The following CENPO variants were observed in gnomAD, a reference collection of about 807,000 sequenced individuals.
CENPO encodes the protein centromere protein O.
A neutral mutation model predicts 36.1 loss-of-function variants in CENPO; 30 were observed. The observed-to-expected ratio is 0.83, with a 90% CI of 0.62 to 1.13. The LOEUF is 1.13. Ranked by LOEUF, CENPO falls within the 50% of genes most tolerant of loss-of-function variation. The probability of loss-of-function intolerance (pLI) is 0.00; values close to 1 mark genes in which losing one functional copy is unlikely to be tolerated. For synonymous variants in CENPO, 171 were observed against 142.3 expected, an observed-to-expected ratio of 1.20 and a Z score of -1.44; for missense variants, 349 against 357.8, an observed-to-expected ratio of 0.98 and a Z score of 0.20.
chr2:24,814,911 A>C (rs1230968994), intron 4 of CENPO: 2 of 172,084 alleles, frequency 1.2e-5, no homozygotes, highest in Non-Finnish European at 2.5e-5. Flanking sequence ...AGAACTGGGG[A>C]CTCTGACAAA....
chr2:24,808,867 G>A (rs1462701922), intron 3 of CENPO, among the ~76,000 whole-genome samples: 1 of 151,638 alleles, frequency 6.6e-6, no homozygotes, highest in Non-Finnish European at 1.5e-5. Flanking sequence ...CTCTCAGAAA[G>A]CAGGTTGAGA....
intron 2 of CENPO, 87 bp from the exon 3 acceptor site, chr2:24,799,588 A>T (rs1666069265): frequency 3.1e-6 from 3 of 965,246 alleles, no homozygotes; most frequent in African/African-American, 1.7e-5. Flanking sequence ...AAAAAAAAAG[A>T]GTCACCTGTT....
At position 24,801,356 on chromosome 2, in the gene CENPO, C is replaced by G. The variant is rs1236459273; in HGVS notation, c.216+1512C>G. Among the ~76,000 whole-genome samples the G allele has an allele frequency of 1.2e-4, 19 of 152,210 alleles. No individual in the cohort carries two copies. The East Asian group carries it at 3.7e-3, about 29-fold the overall frequency. Reference sequence around the variant, plus strand: ...ATTAGATCCCGTTTGTCAATTTTGGCTTTTGTTGCCATTGCTTTTGGTGTT... The same window carrying G: ...ATTAGATCCCGTTTGTCAATTTTGGGTTTTGTTGCCATTGCTTTTGGTGTT... On this transcript the variant is annotated intron_variant, in intron 3 of 7. Coordinates refer to ENST00000380834, the MANE Select transcript of CENPO (RefSeq NM_001322101.2).
In CENPO at chr2:24,815,237, C is replaced by CAA. The variant is rs36071782; in HGVS notation, c.335-242_335-241dup. Among the ~76,000 whole-genome samples, 478 of 109,036 alleles carry CAA rather than the reference C, an allele frequency of 4.4e-3. 4 individuals are homozygous for CAA. The highest frequency in any genetic ancestry group is 0.012 in the East Asian group (43 of 3,670). The allele number at this position is 109,036 out of a possible 152,430, so 71.5% of individuals were successfully genotyped here. A position where few individuals can be genotyped will look rare whatever the true frequency, so the allele number is the denominator to read the frequency against. ...TGGGTGACAGAGTGAAACCCTATCT[C>CAA]AAAAAAAAAAAAAAAAAAATTTCTC... On this transcript the variant is annotated intron_variant, in intron 4 of 7. Coordinates refer to ENST00000380834, the MANE Select transcript of CENPO (RefSeq NM_001322101.2).
In CENPO at chr2:24,822,315, G is replaced by T; in HGVS notation, c.*2997G>T. ...CCTGAGCTGTGAACAGCAGGGGGTTGTGTGTCTGTTCTGTTTCTCTGCTTG... is the reference window on the plus strand; with the variant it reads ...CCTGAGCTGTGAACAGCAGGGGGTTTTGTGTCTGTTCTGTTTCTCTGCTTG... On this transcript the variant is annotated 3_prime_UTR_variant, in exon 8 of 8. Transcript: ENST00000380834. 1.4e-6 allele frequency: 1 copy of T among 704,590 alleles called. No homozygotes were observed. The highest frequency in any genetic ancestry group is 2.3e-6 in the Non-Finnish European group (1 of 438,284). The allele number at this position is 704,590 out of a possible 1,614,324, so 43.6% of individuals were successfully genotyped here.
chr2:24,799,655 TCTC>T lies in CENPO; in HGVS notation c.47-17_47-15del. 6.4e-7 allele frequency: 1 copy of T among 1,565,834 alleles called. No homozygotes were observed. Among genetic ancestry groups the T allele is most frequent in the Non-Finnish European group, 8.7e-7 (1 of 1,149,840 alleles). ...AGAAATCCTCAGCTTCTTGTAAAAT[TCTC>T]CTTTTACTCTCCTTAGGTGTTTTAG... On this transcript the variant is annotated splice_polypyrimidine_tract_variant and intron_variant, in intron 2 of 7. Coordinates refer to ENST00000380834, the MANE Select transcript of CENPO (RefSeq NM_001322101.2).
In CENPO at chr2:24,821,349, G is replaced by T; in HGVS notation, c.*2031G>T. ...GCTGGGTTTTTGGTTTAGTCATCTA[G>T]AGTCGTCTGGACTAAAGGTCTTTCA... On this transcript the variant is annotated 3_prime_UTR_variant, in exon 8 of 8. Transcript: ENST00000380834. 1.0e-6 allele frequency: 1 copy of T among 973,938 alleles called. No homozygotes were observed. The highest frequency in any genetic ancestry group is 1.5e-6 in the Non-Finnish European group (1 of 663,620). The allele number at this position is 973,938 out of a possible 1,614,324, so 60.3% of individuals were successfully genotyped here.
At chr2:24,809,145 C>T (rs191351800) in intron 3 of CENPO, among the ~76,000 whole-genome samples, 37 of 152,222 alleles carry the variant, frequency 2.4e-4, no homozygotes, top group African/African-American at 8.7e-4. Context: ...TTTAAAACAA[C>T]CTACTGTCTT....
chr2:24,811,654 G>A (rs1666697384), intron 3 of CENPO, among the ~76,000 whole-genome samples: 1 of 152,092 alleles, frequency 6.6e-6, no homozygotes, highest in African/African-American at 2.4e-5. Context: ...GTAGAGACGG[G>A]GTTTTACCAC....
rs1667521775 is a variant in CENPO, at chr2:24,820,787, G to C, written c.*1469G>C. ...TGGCTACATTGACTGTATTGCCCCA[G>C]ATGTCGTAGTGTGGTTTCCGGGCTC... On this transcript the variant is annotated 3_prime_UTR_variant, in exon 8 of 8. Transcript: ENST00000380834. 1 of 1,613,994 alleles carries C rather than the reference G, an allele frequency of 6.2e-7. No individual in the cohort carries two copies. Among genetic ancestry groups the C allele is most frequent in the African/African-American group, 1.3e-5 (1 of 74,894 alleles).
chr2:24,803,820 A>C (rs904205573), intron 3 of CENPO, among the ~76,000 whole-genome samples: 23 of 152,090 alleles, frequency 1.5e-4, no homozygotes, highest in African/African-American at 5.3e-4. Context: ...TTTGGGGTGG[A>C]GAGTTCTGTA....
intron 3 of CENPO, among the ~76,000 whole-genome samples, chr2:24,801,174 G>A (rs1012976295): frequency 2.0e-5 from 3 of 152,114 alleles, no homozygotes; most frequent in Admixed American, 6.6e-5. Flanking sequence ...TGATGGGGTT[G>A]TTTGTTTTTT....
intron 2 of CENPO, among the ~76,000 whole-genome samples, chr2:24,796,400 T>A (rs1023774641): frequency 5.9e-5 from 9 of 152,192 alleles, no homozygotes; most frequent in African/African-American, 2.2e-4. Context: ...GTAAACACTT[T>A]GTGCTAGGGT....
At chr2:24,798,619 C>T (rs376526489) in intron 2 of CENPO, among the ~76,000 whole-genome samples, 5 of 152,102 alleles carry the variant, frequency 3.3e-5, no homozygotes, top group African/African-American at 1.2e-4. Context: ...CGCCACCACA[C>T]CCGGCTAATT....
At chr2:24,799,040 A>G (rs1572722253) in intron 2 of CENPO, among the ~76,000 whole-genome samples, 1 of 140,136 alleles carries the variant, frequency 7.1e-6, no homozygotes, top group African/African-American at 2.8e-5. Context: ...CTGGAGTGCA[A>G]TGGCACTCCA....
chr2:24,802,000 C>T (rs934517150), intron 3 of CENPO, among the ~76,000 whole-genome samples: 1 of 152,092 alleles, frequency 6.6e-6, no homozygotes, highest in African/African-American at 2.4e-5. Context: ...TCTTTTATTT[C>T]GTTGATTAGT....
chr2:24,820,631 C>T lies in CENPO; in HGVS notation c.*1313C>T. 1.3e-6 allele frequency: 2 copies of T among 1,569,766 alleles called. No homozygotes were observed. The highest frequency in any genetic ancestry group is 1.3e-5 in the African/African-American group (1 of 74,238). On this transcript the variant is annotated 3_prime_UTR_variant, in exon 8 of 8. Transcript: ENST00000380834. ...TGCCTCTGGACTTACTGTTCAGGGC[C>T]AGGGTGGGAGGCAGGGGCACGTGGG...
intron 7 of CENPO, among the ~76,000 whole-genome samples, chr2:24,818,484 T>C (rs1167987139): frequency 1.8e-5 from 1 of 55,214 alleles, no homozygotes; most frequent in African/African-American, 3.5e-5. Flanking sequence ...TCTTCAGTGT[T>C]TGTTTGGTTA....
At position 24,800,937 on chromosome 2, in the gene CENPO, C is replaced by T. The variant is rs539550413; in HGVS notation, c.216+1093C>T. ...ACAATGGTGGAACTAGTTTACAGTC[C>T]CACCAACAGTGTAAAAGTGTTCCTA... is the stretch of plus-strand genomic sequence containing the variant. On this transcript the variant is annotated intron_variant, in intron 3 of 7. Coordinates refer to ENST00000380834, the MANE Select transcript of CENPO (RefSeq NM_001322101.2). 5.3e-5 allele frequency among the ~76,000 whole-genome samples: 8 copies of T among 152,238 alleles called. No homozygotes were observed. In the South Asian group the frequency reaches 1.2e-3, roughly 24 times the overall value.
Sources: gnomAD v4.1 joint callset for allele counts (sites outside exome capture counted in the v4.1 genomes callset) on GRCh38, gnomAD v4.1.1 for gene constraint, MANE v1.5 for transcripts, NCBI Gene and HGNC (gene_info 2026-07-23, HGNC 2026-07-21) for gene names.